DEF6: variants seen among roughly 807,000 people sequenced by gnomAD.
The protein encoded by DEF6 is differentially expressed in FDCP 6 homolog.
Under a neutral mutation model 80.5 loss-of-function variants are expected in DEF6, and 32 were observed. That is an observed-to-expected ratio of 0.40 (90% CI 0.30 to 0.53). The LOEUF is 0.53. Ranked by LOEUF, DEF6 falls within the 20% of genes least tolerant of loss-of-function variation. The pLI is 0.57. For synonymous variants in DEF6, 300 were observed against 337.9 expected (o/e 0.89, Z 1.23); for missense variants, 575 against 818.7 (o/e 0.70, Z 3.63).
At chr6:35,315,399 G>T (rs368602640) in intron 5 of DEF6, among the ~76,000 whole-genome samples, 89 of 152,010 alleles carry the variant, frequency 5.9e-4, no homozygotes, top group Non-Finnish European at 1.2e-3. Context: ...CTCCAGCTTC[G>T]TTCTTTTTAC....
chr6:35,312,217 C>A lies in DEF6; in HGVS notation c.424-85C>A. The A allele has an allele frequency of 8.3e-7, 1 of 1,199,918 alleles. No homozygotes were observed. The highest frequency in any genetic ancestry group is 1.2e-6 in the Non-Finnish European group (1 of 833,396). 74.3% of individuals were successfully genotyped at this position (1,199,918 alleles called of 1,614,324 possible). ...TCCCCTGTTTCCCTCTGCCCAGGCTCTGGGAGCCAGATAGAGCACTCCCTG... is the reference window on the plus strand; with the variant it reads ...TCCCCTGTTTCCCTCTGCCCAGGCTATGGGAGCCAGATAGAGCACTCCCTG... On this transcript the variant is annotated intron_variant, in intron 3 of 10. Coordinates refer to ENST00000316637, the MANE Select transcript of DEF6 (RefSeq NM_022047.4). This position sits in a 1 kb window ranked among gnomAD's most constrained non-coding sequence, Gnocchi z 6.6.
At chr6:35,314,916 A>G (rs764112724) in intron 5 of DEF6, among the ~76,000 whole-genome samples, 17 of 152,204 alleles carry the variant, frequency 1.1e-4, no homozygotes, top group Non-Finnish European at 2.4e-4. Flanking sequence ...TTACATTTAA[A>G]TGTTTAATCC....
In DEF6 at chr6:35,319,453, A is replaced by ACCC; in HGVS notation, c.1216-68_1216-66dup. On this transcript the variant is annotated intron_variant, in intron 7 of 10. Coordinates refer to ENST00000316637, the MANE Select transcript of DEF6 (RefSeq NM_022047.4). The surrounding 1 kb of genome is among the most constrained non-coding windows in gnomAD (Gnocchi z 4.5). ...CCCTAGGCAGCTTAGCAACATGCCCACCCCCTCCTCCTCCGCCCCCACGTG... is the reference window on the plus strand; with the variant it reads ...CCCTAGGCAGCTTAGCAACATGCCCACCCCCCCCTCCTCCTCCGCCCCCACGTG... The ACCC allele has an allele frequency of 2.8e-6, 2 of 720,400 alleles. No homozygotes were observed. Among genetic ancestry groups the ACCC allele is most frequent in the East Asian group, 3.7e-5 (1 of 26,798 alleles). The allele number at this position is 720,400 out of a possible 1,614,324, so 44.6% of individuals were successfully genotyped here. A position where few individuals can be genotyped will look rare whatever the true frequency, so the allele number is the denominator to read the frequency against.
rs1373722715 is a variant in DEF6 at position 35,319,664 on chromosome 6, A to G, written c.1356A>G (p.Glu452=). Residue 452 remains glutamate, a synonymous_variant, in exon 8 of 11, where the codon GAA becomes GAG. Coordinates refer to ENST00000316637, the MANE Select transcript of DEF6 (RefSeq NM_022047.4). The surrounding 1 kb of genome is among the most constrained non-coding windows in gnomAD (Gnocchi z 4.5). ...TAGAGGTGAAAGCTCGGCGAGATGA[A>G]GAATCTGTGCGAATCGCTCAGACCA... ...LQLEVKARRD[E]ESVRIAQTRL... 1 of 1,613,374 alleles carries G rather than the reference A, an allele frequency of 6.2e-7. No individual in the cohort carries two copies. Among genetic ancestry groups the G allele is most frequent in the Non-Finnish European group, 8.5e-7 (1 of 1,179,506 alleles).
chr6:35,319,779 C>G lies in DEF6; in HGVS notation c.1383-40C>G. 6.2e-7 allele frequency: 1 copy of G among 1,609,636 alleles called. No homozygotes were observed. Among genetic ancestry groups the G allele is most frequent in the Non-Finnish European group, 8.5e-7 (1 of 1,177,650 alleles). ...TGCTTGCTGTGCACCTGCAAGGTGC[C>G]TTGGCACTAGAGGCTACACAGTACA... On this transcript the variant is annotated intron_variant, in intron 8 of 10. Transcript: ENST00000316637. This position sits in a 1 kb window ranked among gnomAD's most constrained non-coding sequence, Gnocchi z 4.5.
At chr6:35,304,224 T>C (rs1480574390) in intron 1 of DEF6, among the ~76,000 whole-genome samples, 1 of 152,028 alleles carries the variant, frequency 6.6e-6, no homozygotes, top group Non-Finnish European at 1.5e-5. Flanking sequence ...AGGAGGCTGA[T>C]ATGGGAAGAT....
intron 5 of DEF6, chr6:35,317,626 C>T: frequency 2.5e-6 from 1 of 393,852 alleles, no homozygotes; most frequent in Non-Finnish European, 4.6e-6. Context: ...TGCATAAACA[C>T]TGAGTGGCGA....
chr6:35,312,844 G>A lies in DEF6; in HGVS notation c.807+72G>A, dbSNP rs1791485529. 3 of 1,507,800 alleles carry A rather than the reference G, an allele frequency of 2.0e-6. No individual in the cohort carries two copies. The highest frequency in any genetic ancestry group is 2.7e-6 in the Non-Finnish European group (3 of 1,111,088). The allele number at this position is 1,507,800 out of a possible 1,614,324, so 93.4% of individuals were successfully genotyped here. A position where few individuals can be genotyped will look rare whatever the true frequency, so the allele number is the denominator to read the frequency against. ...CCTCAGGGGCATGAGAAGACAAGGG[G>A]GTCAGGAGAGGGGCAAATGGAGAAA... On this transcript the variant is annotated intron_variant, in intron 5 of 10. Coordinates refer to ENST00000316637, the MANE Select transcript of DEF6 (RefSeq NM_022047.4). The surrounding 1 kb of genome is among the most constrained non-coding windows in gnomAD (Gnocchi z 6.6).
intron 1 of DEF6, among the ~76,000 whole-genome samples, chr6:35,308,385 A>AAG: frequency 1.3e-5 from 2 of 151,278 alleles, no homozygotes; most frequent in African/African-American, 4.9e-5. Context: ...AAAAAAAAAA[A>AAG]GTTTTGGCCG....
intron 1 of DEF6, among the ~76,000 whole-genome samples, chr6:35,299,230 A>C (rs199755171): frequency 1.3e-5 from 2 of 152,200 alleles, no homozygotes; most frequent in East Asian, 3.9e-4. Context: ...TCCTATTTAA[A>C]TCTCTTGTAT....
chr6:35,308,727 TAAATA>T (rs1269750861), intron 1 of DEF6, among the ~76,000 whole-genome samples: 35 of 118,556 alleles, frequency 3.0e-4, no homozygotes, highest in Admixed American at 6.0e-4. Flanking sequence ...TAAAATAAAA[TAAATA>T]AAATAATAAA....
rs1248936092 is a variant in DEF6, at chr6:35,318,017, G to A, written c.916+18G>A. The A allele has an allele frequency of 2.5e-6, 4 of 1,607,192 alleles. No individual in the cohort carries two copies. In the Admixed American group the frequency reaches 6.8e-5, roughly 27 times the overall value. On this transcript the variant is annotated intron_variant, in intron 6 of 10. Transcript: ENST00000316637. The surrounding 1 kb of genome is among the most constrained non-coding windows in gnomAD (Gnocchi z 5.1). ...GACAGCTGGTGAGTGCTCGCTAGGT[G>A]GCTTGGGTCTGGGTGGTCCTTAGGC...
chr6:35,320,881 C>A lies in DEF6; in HGVS notation c.1582-3C>A. 6.2e-7 allele frequency: 1 copy of A among 1,605,494 alleles called. No individual in the cohort carries two copies. Among genetic ancestry groups the A allele is most frequent in the Non-Finnish European group, 8.5e-7 (1 of 1,175,170 alleles). On this transcript the variant is annotated splice_polypyrimidine_tract_variant and splice_region_variant and intron_variant, in intron 9 of 10. Coordinates refer to ENST00000316637, the MANE Select transcript of DEF6 (RefSeq NM_022047.4). The stretch of plus-strand genomic sequence containing the variant: ...TCACTCCCCACTGGCCCTGTCCCCA[C>A]AGGCTGCCCAGAGAAAACTGCGCCA...
intron 5 of DEF6, among the ~76,000 whole-genome samples, chr6:35,314,962 G>C (rs1791507920): frequency 6.6e-6 from 1 of 152,094 alleles, no homozygotes; most frequent in African/African-American, 2.4e-5. Flanking sequence ...TGAGAGATAG[G>C]GGTCTAGTTT....
chr6:35,310,410 G>T, intron 2 of DEF6, 49 bp from the exon 3 acceptor site: 1 of 1,598,236 alleles, frequency 6.3e-7, no homozygotes, highest in Non-Finnish European at 8.5e-7. Context: ...GCCTAGTGTC[G>T]TGGTAGAGCT....
chr6:35,307,119 C>T (rs913908443), intron 1 of DEF6, among the ~76,000 whole-genome samples: 3 of 152,236 alleles, frequency 2.0e-5, no homozygotes, highest in South Asian at 4.1e-4. Context: ...CTGGGGTGGC[C>T]GGGCGCAGTG....
Position 35,321,523 on chromosome 6 carries a change from G to C in DEF6, c.*113G>C. ...AGAGGGAGCTGAGGTCCTGGTGCCA[G>C]GGGCCCAGGCCCTCCAACCATAAAC... On this transcript the variant is annotated 3_prime_UTR_variant, in exon 11 of 11. Transcript: ENST00000316637. 2 of 991,462 alleles carry C rather than the reference G, an allele frequency of 2.0e-6. No homozygotes were observed. The highest frequency in any genetic ancestry group is 3.0e-6 in the Non-Finnish European group (2 of 674,508). 61.4% of individuals were successfully genotyped at this position (991,462 alleles called of 1,614,324 possible).
chr6:35,310,348 C>T, intron 2 of DEF6, 111 bp from the exon 3 acceptor site: 1 of 1,177,974 alleles, frequency 8.5e-7, no homozygotes, highest in Non-Finnish European at 1.2e-6. Context: ...GGGCCCTGGA[C>T]TTGGCCAGGT....
chr6:35,308,672 CAAAATAAAAT>C (rs36231574), intron 1 of DEF6, among the ~76,000 whole-genome samples: 60,077 of 115,134 alleles, frequency 0.52, 16,647 homozygotes, highest in Non-Finnish European at 0.62. Flanking sequence ...GACTCCGTCT[CAAAATAAAAT>C]AAAATAAAAT....
Sources: gnomAD v4.1 joint callset for allele counts (sites outside exome capture counted in the v4.1 genomes callset) on GRCh38, gnomAD v4.1.1 for gene constraint, Gnocchi (gnomAD v3.1) non-coding constraint, MANE v1.5 for transcripts, NCBI Gene and HGNC (gene_info 2026-07-23, HGNC 2026-07-21) for gene names.